Variants in ADD3 observed in about 807,000 individuals in gnomAD.
The protein encoded by ADD3 is adducin 3.
A neutral mutation model predicts 80.2 loss-of-function variants in ADD3; 25 were observed. The observed-to-expected ratio is 0.31, with a 90% CI of 0.23 to 0.44. The LOEUF (loss-of-function observed/expected upper bound fraction) is 0.44, where lower values mean the gene tolerates loss of function less well. Ranked by LOEUF, ADD3 falls within the 20% of genes least tolerant of loss-of-function variation. The pLI is 1.00. For missense variants in ADD3, 829 were observed against 847.5 expected, an observed-to-expected ratio of 0.98 and a Z score of 0.27; for synonymous variants, 284 against 289.6, an observed-to-expected ratio of 0.98 and a Z score of 0.20.
Position 110,119,208 on chromosome 10 carries a change from T to C in ADD3, c.718-3T>C, listed in dbSNP as rs199951875. The C allele has an allele frequency of 7.6e-5, 123 of 1,614,004 alleles. No homozygotes were observed. In the African/African-American group the frequency reaches 1.5e-3, roughly 19 times the overall value. Reference sequence around the variant, plus strand: ...TTATCTTGGTATGGGCCAAACCAAATAGGTATCCTCCATGAAATGTGGGAT... The same window carrying C: ...TTATCTTGGTATGGGCCAAACCAAACAGGTATCCTCCATGAAATGTGGGAT... On this transcript the variant is annotated splice_region_variant and splice_polypyrimidine_tract_variant and intron_variant, in intron 6 of 14. Coordinates refer to ENST00000356080, the MANE Select transcript of ADD3 (RefSeq NM_016824.5).
At chr10:110,127,419 C>A (rs965394379) in intron 12 of ADD3, among the ~76,000 whole-genome samples, 1 of 152,192 alleles carries the variant, frequency 6.6e-6, no homozygotes, top group South Asian at 2.1e-4. Context: ...GAGATCAAGA[C>A]CATCCTGGCC....
chr10:110,056,744 A>G (rs760213428), intron 1 of ADD3, among the ~76,000 whole-genome samples: 27 of 152,320 alleles, frequency 1.8e-4, no homozygotes, highest in South Asian at 8.3e-4. Context: ...ATTGAATTTG[A>G]AACAATTGGC....
intron 1 of ADD3, among the ~76,000 whole-genome samples, chr10:110,026,228 G>A (rs1465870336): frequency 6.6e-6 from 1 of 150,796 alleles, no homozygotes; most frequent in East Asian, 1.9e-4. Context: ...AAAAGGAATA[G>A]TTTTAGGTCA....
chr10:110,116,806 A>G (rs1225651565), intron 4 of ADD3, among the ~76,000 whole-genome samples: 4 of 152,308 alleles, frequency 2.6e-5, no homozygotes, highest in South Asian at 2.1e-4. Flanking sequence ...TATTCTTTCC[A>G]TTCACCATCA....
upstream of ADD3, among the ~76,000 whole-genome samples, chr10:110,004,974 G>T (rs989446932): frequency 6.6e-6 from 1 of 152,102 alleles, no homozygotes; most frequent in Non-Finnish European, 1.5e-5. Flanking sequence ...GCTGACCTTT[G>T]AATTGCCACT....
chr10:110,024,884 A>G (rs1854095623), intron 1 of ADD3, among the ~76,000 whole-genome samples: 1 of 152,060 alleles, frequency 6.6e-6, no homozygotes, highest in Non-Finnish European at 1.5e-5. Context: ...GTATACAGTG[A>G]AAAGTAAGTT....
chr10:110,005,525 T>A (rs1010986948), upstream of ADD3, among the ~76,000 whole-genome samples: 1 of 152,224 alleles, frequency 6.6e-6, no homozygotes, highest in East Asian at 1.9e-4. Flanking sequence ...TTTATTCTTA[T>A]ATTAAATACT....
chr10:110,115,215 A>G (rs575382378), intron 3 of ADD3, among the ~76,000 whole-genome samples: 2 of 151,890 alleles, frequency 1.3e-5, no homozygotes, highest in South Asian at 4.2e-4. Context: ...CAAGGAAAAA[A>G]CCTGTCTCTA....
chr10:109,998,702 A>G (rs1372739141), intron 1 of ADD3, among the ~76,000 whole-genome samples: 2 of 151,966 alleles, frequency 1.3e-5, no homozygotes, highest in Admixed American at 6.6e-5. Context: ...TCTCTCAATC[A>G]TACCAAACTT....
At chr10:109,999,413 A>G (rs1851441315) in intron 1 of ADD3, among the ~76,000 whole-genome samples, 1 of 152,034 alleles carries the variant, frequency 6.6e-6, no homozygotes, top group Non-Finnish European at 1.5e-5. Flanking sequence ...TTTTTCCCCC[A>G]TTAAAGTTCT....
At chr10:110,064,252 G>A (rs969114776) in intron 1 of ADD3, among the ~76,000 whole-genome samples, 3 of 152,144 alleles carry the variant, frequency 2.0e-5, no homozygotes, top group Non-Finnish European at 4.4e-5. Context: ...TCTTTTGAGT[G>A]TATTTCTGGG....
At chr10:110,063,694 AATC>A (rs1402923195) in intron 1 of ADD3, among the ~76,000 whole-genome samples, 1 of 140,310 alleles carries the variant, frequency 7.1e-6, no homozygotes, top group African/African-American at 2.6e-5. Flanking sequence ...AAAGTACAGA[AATC>A]ATAACAGTAC....
chr10:110,068,061 G>T (rs1703866024), intron 1 of ADD3, among the ~76,000 whole-genome samples: 5 of 151,982 alleles, frequency 3.3e-5, no homozygotes, highest in Admixed American at 3.3e-4. Context: ...CTTGCTCAGT[G>T]TTCCACCCCC....
chr10:110,040,460 T>G (rs1275404847), intron 1 of ADD3, among the ~76,000 whole-genome samples: 1 of 152,210 alleles, frequency 6.6e-6, no homozygotes, highest in East Asian at 1.9e-4. Context: ...TTTTGATGAT[T>G]ATCATCCATA....
At chr10:110,049,099 T>G (rs1857210820) in intron 1 of ADD3, among the ~76,000 whole-genome samples, 1 of 152,210 alleles carries the variant, frequency 6.6e-6, no homozygotes, top group African/African-American at 2.4e-5. Flanking sequence ...CAGCTCATGC[T>G]GTGGCCTCAG....
intron 9 of ADD3, 123 bp downstream of exon 9, chr10:110,122,415 T>G: frequency 1.2e-6 from 1 of 826,408 alleles, no homozygotes. Context: ...TAGGAAAGCA[T>G]TTCATTGTTA....
intron 2 of ADD3, among the ~76,000 whole-genome samples, chr10:110,107,468 T>C (rs1188261203): frequency 6.6e-6 from 1 of 152,174 alleles, no homozygotes; most frequent in Non-Finnish European, 1.5e-5. Flanking sequence ...CATGAGGTAG[T>C]AATGGCAGAT....
chr10:110,065,996 T>C (rs1843906672), intron 1 of ADD3, among the ~76,000 whole-genome samples: 1 of 152,176 alleles, frequency 6.6e-6, no homozygotes, highest in South Asian at 2.1e-4. Flanking sequence ...TAAAATCTGC[T>C]GGTCTTTATA....
At chr10:110,085,956 T>G (rs1044492388) in intron 1 of ADD3, among the ~76,000 whole-genome samples, 2 of 151,812 alleles carry the variant, frequency 1.3e-5, no homozygotes, top group African/African-American at 4.8e-5. Flanking sequence ...AAATACAAAA[T>G]TAGCTGGGCG....
Sources: gnomAD v4.1 joint callset for allele counts (sites outside exome capture counted in the v4.1 genomes callset) on GRCh38, gnomAD v4.1.1 for gene constraint, MANE v1.5 for transcripts, NCBI Gene and HGNC (gene_info 2026-07-23, HGNC 2026-07-21) for gene names.